PDHX: variants seen among roughly 807,000 people sequenced by gnomAD.
PDHX encodes the protein pyruvate dehydrogenase complex component X, also known as pyruvate dehydrogenase protein X component, mitochondrial.
In PDHX, 33 loss-of-function variants were observed where a neutral mutation model predicts 55.3. The observed-to-expected ratio is 0.60, with a 90% CI of 0.45 to 0.80. The LOEUF is 0.80. Among genes scored for constraint, PDHX ranks in the 30% least tolerant of loss-of-function variants. PDHX has a pLI of 0.00. For missense variants in PDHX, 622 were observed against 619.9 expected (o/e 1.00, Z -0.04); for synonymous variants, 226 against 219.4 (o/e 1.03, Z -0.27).
chr11:34,951,790 G>A (rs2133967284), intron 3 of PDHX, among the ~76,000 whole-genome samples: 1 of 152,206 alleles, frequency 6.6e-6, no homozygotes, highest in East Asian at 1.9e-4. Context: ...TGTCCTGAAT[G>A]GTAATGCCTA....
chr11:34,920,175 T>A (rs573523488), intron 1 of PDHX, among the ~76,000 whole-genome samples: 10 of 152,322 alleles, frequency 6.6e-5, no homozygotes, highest in African/African-American at 2.4e-4. Flanking sequence ...CAACCTACTC[T>A]AGACAGTTAA....
In PDHX at chr11:34,916,869, G is replaced by A. The variant is rs1402883637; in HGVS notation, c.160+54G>A. ...CTGTGTAGCTGAGTGATGGGCCTGGGACAGGGGCAGTTATGATTGAGGGCC... is the reference window on the plus strand; with the variant it reads ...CTGTGTAGCTGAGTGATGGGCCTGGAACAGGGGCAGTTATGATTGAGGGCC... On this transcript the variant is annotated intron_variant, in intron 1 of 10. Coordinates refer to ENST00000227868, the MANE Select transcript of PDHX (RefSeq NM_003477.3). The A allele has an allele frequency of 2.0e-6, 3 of 1,489,814 alleles. No homozygotes were observed. The Admixed American group carries it at 5.9e-5, about 29-fold the overall frequency. The allele number at this position is 1,489,814 out of a possible 1,614,324, so 92.3% of individuals were successfully genotyped here.
At chr11:34,944,082 T>C (rs1417258428) in intron 2 of PDHX, among the ~76,000 whole-genome samples, 635 of 27,160 alleles carry the variant, frequency 0.023, 5 homozygotes, top group African/African-American at 0.038. Flanking sequence ...TACAAATATG[T>C]GTGTGTGTGT....
chr11:34,992,440 T>G (rs1855774946), intron 10 of PDHX, 61 bp downstream of exon 10: 1 of 856,310 alleles, frequency 1.2e-6, no homozygotes, highest in Admixed American at 1.8e-5. Context: ...ACTTATAAAG[T>G]CCCTGTCAGC....
chr11:34,948,778 C>T (rs1376390085), intron 3 of PDHX, among the ~76,000 whole-genome samples: 1 of 151,988 alleles, frequency 6.6e-6, no homozygotes, highest in Non-Finnish European at 1.5e-5. Context: ...AATATTCATA[C>T]CAAAAATAGT....
chr11:34,958,855 G>A (rs867818100), intron 4 of PDHX, among the ~76,000 whole-genome samples: 3 of 152,078 alleles, frequency 2.0e-5, no homozygotes, highest in Non-Finnish European at 4.4e-5. Context: ...TGTGAACTCT[G>A]CATACTGTTG....
chr11:34,934,160 AAAT>A (rs1207327412), intron 2 of PDHX, among the ~76,000 whole-genome samples: 1 of 152,202 alleles, frequency 6.6e-6, no homozygotes, highest in Non-Finnish European at 1.5e-5. Context: ...ATCTCTGGTA[AAAT>A]AGTATAGCCA....
chr11:34,976,665 T>C (rs80329365), intron 7 of PDHX, among the ~76,000 whole-genome samples: 7,005 of 152,126 alleles, frequency 0.046, 522 homozygotes, highest in African/African-American at 0.16. Flanking sequence ...GGGCAGAAAG[T>C]GGAAGAAAAC....
intron 2 of PDHX, among the ~76,000 whole-genome samples, chr11:34,933,699 G>A (rs1182426965): frequency 6.6e-6 from 1 of 152,110 alleles, no homozygotes; most frequent in Admixed American, 6.5e-5. Flanking sequence ...GCTCCTTGGA[G>A]AGTAGCTACT....
intron 2 of PDHX, among the ~76,000 whole-genome samples, chr11:34,937,738 G>T (rs986478184): frequency 3.9e-5 from 6 of 152,110 alleles, no homozygotes; most frequent in Admixed American, 6.5e-5. Context: ...CCTCCTGAGG[G>T]TCAAATTTAT....
Position 34,947,608 on chromosome 11 carries a change from T to G in PDHX, c.342+2T>G. On this transcript the variant is annotated splice_donor_variant, in intron 3 of 10. Coordinates refer to ENST00000227868, the MANE Select transcript of PDHX (RefSeq NM_003477.3). LOFTEE classifies it high-confidence loss of function. ...GATGGAATCTTGGCCAAAATCGTGG[T>G]AAGTTTTTATTTTAATTTTCTTCAA... 1 of 1,581,054 alleles carries G rather than the reference T, an allele frequency of 6.3e-7. No homozygotes were observed. The highest frequency in any genetic ancestry group is 8.7e-7 in the Non-Finnish European group (1 of 1,149,566).
chr11:34,916,013 G>A (rs573823217), upstream of PDHX: 8 of 621,486 alleles, frequency 1.3e-5, no homozygotes, highest in East Asian at 1.8e-4. Context: ...TCCCGCCATC[G>A]GAGCGCCCCG....
chr11:34,965,415 C>T (rs566721186), intron 5 of PDHX, among the ~76,000 whole-genome samples: 1 of 152,324 alleles, frequency 6.6e-6, no homozygotes, highest in East Asian at 1.9e-4. Flanking sequence ...CTTCAAGTCT[C>T]TTCTTCCAGG....
intron 4 of PDHX, among the ~76,000 whole-genome samples, chr11:34,958,298 G>A (rs372378279): frequency 1.3e-5 from 2 of 151,842 alleles, no homozygotes; most frequent in Non-Finnish European, 2.9e-5. Flanking sequence ...CTTTTTTTAG[G>A]GGGGGGCGTG....
chr11:34,953,547 C>T (rs1169837653), intron 3 of PDHX, among the ~76,000 whole-genome samples: 2 of 152,092 alleles, frequency 1.3e-5, no homozygotes, highest in African/African-American at 2.4e-5. Context: ...GTTTATATTC[C>T]CCATGAATCA....
intron 10 of PDHX, 134 bp from the exon 11 acceptor site, chr11:34,994,780 C>A: frequency 1.1e-6 from 1 of 882,554 alleles, no homozygotes; most frequent in Non-Finnish European, 1.8e-6. Flanking sequence ...CTAAATGTTT[C>A]CTTTTTTCAT....
intron 1 of PDHX, among the ~76,000 whole-genome samples, chr11:34,922,634 G>A (rs188500447): frequency 7.6e-4 from 115 of 152,134 alleles, no homozygotes; most frequent in African/African-American, 2.6e-3. Flanking sequence ...AGTAATAACC[G>A]CATTGTAGAC....
chr11:34,938,146 CAGA>C (rs1390127668), intron 2 of PDHX, among the ~76,000 whole-genome samples: 1 of 152,220 alleles, frequency 6.6e-6, no homozygotes, highest in East Asian at 1.9e-4. Flanking sequence ...AATTTGTGAA[CAGA>C]AGGACGACTA....
In PDHX at chr11:34,957,434, A is replaced by G. The variant is rs769322264; in HGVS notation, c.393A>G (p.Ile131Met). The G allele has an allele frequency of 6.2e-7, 1 of 1,613,452 alleles. No individual in the cohort carries two copies. The highest frequency in any genetic ancestry group is 8.5e-7 in the Non-Finnish European group (1 of 1,179,386). ...GGCTAGGTTCACTAATTGGTTTGAT[A>G]GTAGAAGAAGGAGAAGATTGGAAAC... ...NIRLGSLIGL[I>M]VEEGEDWKHV... Residue 131 changes from isoleucine (I) to methionine (M), a missense_variant, in exon 4 of 11, where the codon ATA becomes ATG. By Grantham distance (10) the Ile-to-Met change is conservative. Coordinates refer to ENST00000227868, the MANE Select transcript of PDHX (RefSeq NM_003477.3).
Sources: gnomAD v4.1 joint callset for allele counts (sites outside exome capture counted in the v4.1 genomes callset) on GRCh38, gnomAD v4.1.1 for gene constraint, MANE v1.5 for transcripts, NCBI Gene and HGNC (gene_info 2026-07-23, HGNC 2026-07-21) for gene names.